The following CDH13 variants were observed in gnomAD, a reference collection of about 807,000 sequenced individuals.
The protein encoded by CDH13 is cadherin 13.
In CDH13, 24 loss-of-function variants were observed where a neutral mutation model predicts 63.8. The ratio of observed to expected loss-of-function variants is 0.38; its 90% CI spans 0.27 to 0.53. The LOEUF (loss-of-function observed/expected upper bound fraction) is 0.53. Among genes scored for constraint, CDH13 ranks in the 20% least tolerant of loss-of-function variants. CDH13 has a pLI of 0.85. For missense variants in CDH13, 1,049 were observed against 903.1 expected, an observed-to-expected ratio of 1.16 and a Z score of -2.07; for synonymous variants, 503 against 355.3, an observed-to-expected ratio of 1.42 and a Z score of -4.67.
At chr16:83,444,995 A>T (rs1027883294) in intron 6 of CDH13, among the ~76,000 whole-genome samples, 3 of 152,182 alleles carry the variant, frequency 2.0e-5, no homozygotes, top group East Asian at 3.9e-4. Flanking sequence ...CATATTCAGA[A>T]ACCACAGGGC....
intron 5 of CDH13, among the ~76,000 whole-genome samples, chr16:83,256,811 C>T (rs1023453826): frequency 6.2e-5 from 9 of 145,312 alleles, no homozygotes; most frequent in African/African-American, 2.0e-4. Flanking sequence ...CGCCACTGCA[C>T]TCCAGCCTGG....
chr16:82,794,397 A>AT (rs150304266), intron 1 of CDH13, among the ~76,000 whole-genome samples: 36 of 119,696 alleles, frequency 3.0e-4, no homozygotes, highest in African/African-American at 7.9e-4. Context: ...TCAGAAAGGA[A>AT]TTTTTTTTTC....
chr16:82,961,088 G>T (rs995287195), intron 2 of CDH13, among the ~76,000 whole-genome samples: 1 of 152,114 alleles, frequency 6.6e-6, no homozygotes, highest in Admixed American at 6.6e-5. Flanking sequence ...CTCTGCAACT[G>T]CCACTGCCTC....
At chr16:83,479,517 C>T (rs1054381644) in intron 6 of CDH13, among the ~76,000 whole-genome samples, 6 of 152,030 alleles carry the variant, frequency 3.9e-5, no homozygotes, top group African/African-American at 1.2e-4. Flanking sequence ...ATTAGCCGGG[C>T]GTAGTGGCAG....
intron 4 of CDH13, among the ~76,000 whole-genome samples, chr16:83,150,381 C>T (rs2036926094): frequency 6.6e-6 from 1 of 152,194 alleles, no homozygotes; most frequent in African/African-American, 2.4e-5. Flanking sequence ...ACTTTTCTCT[C>T]CCTTGCTATC....
intron 1 of CDH13, among the ~76,000 whole-genome samples, chr16:82,718,467 A>T (rs1299262680): frequency 6.6e-6 from 1 of 152,148 alleles, no homozygotes; most frequent in Non-Finnish European, 1.5e-5. Context: ...TGGGGTGGGG[A>T]TGGTGAAGAA....
Position 83,125,424 on chromosome 16 carries a change from C to T in CDH13, c.406C>T (p.Gln136Ter). The change falls in exon 4 of 14, where the codon CAA becomes TAA. Residue 136 changes from glutamine to a stop codon, truncating the protein, a stop_gained. Coordinates refer to ENST00000567109, the MANE Select transcript of CDH13 (RefSeq NM_001257.5). LOFTEE classifies it high-confidence loss of function. ...TGCAAGAACTTCTCCTGTCCCAAGACAAAAGAGGTCCATTGTGGTATCTCC... is the reference window on the plus strand; with the variant it reads ...TGCAAGAACTTCTCCTGTCCCAAGATAAAAGAGGTCCATTGTGGTATCTCC... Reference protein sequence around the residue: ...KFARTSPVPRQKRSIVVSPIL... With the variant: ...KFARTSPVPR 6.2e-7 allele frequency: 1 copy of T among 1,610,784 alleles called. No individual in the cohort carries two copies. The highest frequency in any genetic ancestry group is 8.5e-7 in the Non-Finnish European group (1 of 1,177,076).
intron 2 of CDH13, among the ~76,000 whole-genome samples, chr16:82,980,848 A>G (rs1910167386): frequency 6.6e-6 from 1 of 152,182 alleles, no homozygotes; most frequent in Non-Finnish European, 1.5e-5. Context: ...ATGAGAGCCA[A>G]AAGGAAACAA....
intron 6 of CDH13, among the ~76,000 whole-genome samples, chr16:83,355,698 A>T (rs1307862551): frequency 6.6e-6 from 1 of 152,184 alleles, no homozygotes; most frequent in African/African-American, 2.4e-5. Context: ...GAATGCATGA[A>T]ACAGAATGGA....
At chr16:83,157,713 T>G (rs2037266798) in intron 4 of CDH13, among the ~76,000 whole-genome samples, 1 of 135,002 alleles carries the variant, frequency 7.4e-6, no homozygotes, top group Non-Finnish European at 1.6e-5. Context: ...GCTAACAGGG[T>G]GAAACCCCGT....
At chr16:83,500,293 TCTCCTTCTCC>T (rs2074243987) in intron 7 of CDH13, among the ~76,000 whole-genome samples, 1 of 1,886 alleles carries the variant, frequency 5.3e-4, no homozygotes, top group African/African-American at 5.8e-4. Context: ...TTCTTCTTCT[TCTCCTTCTCC>T]TTCTCCTTCT....
chr16:83,382,316 G>T (rs1460615478), intron 6 of CDH13, among the ~76,000 whole-genome samples: 1 of 152,228 alleles, frequency 6.6e-6, no homozygotes. Flanking sequence ...TTAATTGGTT[G>T]TGCAAATAAA....
chr16:83,385,464 C>T lies in CDH13; in HGVS notation c.781+40458C>T, dbSNP rs117699384. Reference sequence around the variant, plus strand: ...GGCCCATCTTAATAGTCAGAGTAAGCTCAGCTATGCTGTAGTAACAAGAAA... The same window carrying T: ...GGCCCATCTTAATAGTCAGAGTAAGTTCAGCTATGCTGTAGTAACAAGAAA... On this transcript the variant is annotated intron_variant, in intron 6 of 13. Transcript: ENST00000567109. Among the ~76,000 whole-genome samples the T allele has an allele frequency of 3.7e-3, 563 of 152,302 alleles. 4 individuals are homozygous for T. Among genetic ancestry groups the T allele is most frequent in the Non-Finnish European group, 3.3e-3 (224 of 68,020 alleles).
chr16:83,294,008 C>G (rs1460349249), intron 5 of CDH13, among the ~76,000 whole-genome samples: 1 of 152,112 alleles, frequency 6.6e-6, no homozygotes, highest in African/African-American at 2.4e-5. Context: ...AATAACTACC[C>G]CAAGTTGTGT....
At chr16:82,783,142 T>G (rs2035844384) in intron 1 of CDH13, among the ~76,000 whole-genome samples, 2 of 152,150 alleles carry the variant, frequency 1.3e-5, no homozygotes, top group South Asian at 4.1e-4. Flanking sequence ...CGAGGGACAT[T>G]TCCTGTGAAA....
chr16:82,970,893 C>T (rs1055562818), intron 2 of CDH13, among the ~76,000 whole-genome samples: 3 of 152,154 alleles, frequency 2.0e-5, no homozygotes, highest in Non-Finnish European at 4.4e-5. Flanking sequence ...CCTTCCAATG[C>T]CCAGTGCTTC....
chr16:83,751,087 T>C (rs1176976567), intron 11 of CDH13, among the ~76,000 whole-genome samples: 1 of 152,022 alleles, frequency 6.6e-6, no homozygotes, highest in Non-Finnish European at 1.5e-5. Flanking sequence ...TGTGCAAAGA[T>C]AAGGGCAGAG....
chr16:83,539,132 A>G (rs867816144), intron 7 of CDH13, among the ~76,000 whole-genome samples: 1 of 152,126 alleles, frequency 6.6e-6, no homozygotes, highest in South Asian at 2.1e-4. Context: ...GTGGTCCCCA[A>G]CCTTTCTTGG....
At chr16:83,199,116 A>G (rs2038955402) in intron 4 of CDH13, among the ~76,000 whole-genome samples, 1 of 152,190 alleles carries the variant, frequency 6.6e-6, no homozygotes, top group Non-Finnish European at 1.5e-5. Flanking sequence ...TCAAGTCAGA[A>G]GGTGCTGGAG....
Sources: gnomAD v4.1 joint callset for allele counts (sites outside exome capture counted in the v4.1 genomes callset) on GRCh38, gnomAD v4.1.1 for gene constraint, MANE v1.5 for transcripts, NCBI Gene and HGNC (gene_info 2026-07-23, HGNC 2026-07-21) for gene names.